STK32A: variants seen among roughly 807,000 people sequenced by gnomAD.
STK32A encodes serine/threonine kinase 32A.
A neutral mutation model predicts 53.2 loss-of-function variants in STK32A; 41 were observed. That is an observed-to-expected ratio of 0.77 (90% CI 0.60 to 1.00). The LOEUF (loss-of-function observed/expected upper bound fraction) is 1.00. Ranked by LOEUF, STK32A falls within the 50% of genes least tolerant of loss-of-function variation. The pLI is 0.00. For synonymous variants in STK32A, 166 were observed against 162.8 expected (o/e 1.02, Z -0.15); for missense variants, 458 against 485.8 (o/e 0.94, Z 0.54).
intron 2 of STK32A, 123 bp downstream of exon 2, chr5:147,239,809 T>G: frequency 1.4e-6 from 1 of 718,450 alleles, no homozygotes; most frequent in African/African-American, 1.8e-5. Flanking sequence ...AAGGCAAAGC[T>G]GCATGAGTGA....
chr5:147,258,297 T>C (rs989729136), intron 2 of STK32A, among the ~76,000 whole-genome samples: 10 of 152,008 alleles, frequency 6.6e-5, no homozygotes, highest in Non-Finnish European at 1.3e-4. Flanking sequence ...ATTTCCTTTA[T>C]AATTAACATT....
chr5:147,317,572 G>A (rs776335964), intron 4 of STK32A, among the ~76,000 whole-genome samples: 2 of 151,728 alleles, frequency 1.3e-5, no homozygotes, highest in Admixed American at 6.6e-5. Context: ...TGATCCACCC[G>A]CTTCAGCCTC....
intron 5 of STK32A, among the ~76,000 whole-genome samples, chr5:147,327,899 C>T (rs922623568): frequency 1.1e-4 from 16 of 152,086 alleles, no homozygotes; most frequent in African/African-American, 1.9e-4. Flanking sequence ...CACCCACAGA[C>T]GAAAGTGGTA....
intron 4 of STK32A, among the ~76,000 whole-genome samples, chr5:147,319,921 A>G (rs2151976396): frequency 6.6e-6 from 1 of 152,290 alleles, no homozygotes; most frequent in Admixed American, 6.5e-5. Flanking sequence ...CTGCAATAGG[A>G]AGTAGGTTCC....
At chr5:147,285,783 C>T (rs201518950) in intron 4 of STK32A, among the ~76,000 whole-genome samples, 2 of 150,244 alleles carry the variant, frequency 1.3e-5, no homozygotes, top group African/African-American at 4.9e-5. Context: ...AAAAAAAAAT[C>T]AAAAAACAGC....
At chr5:147,242,327 A>G (rs1753617313) in intron 2 of STK32A, among the ~76,000 whole-genome samples, 1 of 152,240 alleles carries the variant, frequency 6.6e-6, no homozygotes, top group Non-Finnish European at 1.5e-5. Context: ...CTCTCTAGAC[A>G]TGAAGAATAG....
chr5:147,382,868 G>A, intron 11 of STK32A: 1 of 152,562 alleles, frequency 6.6e-6, no homozygotes, highest in African/African-American at 2.4e-5. Flanking sequence ...CAGCCTGAGG[G>A]AGAGTGGCTG....
intron 4 of STK32A, among the ~76,000 whole-genome samples, chr5:147,310,764 C>G (rs1403511886): frequency 1.3e-5 from 2 of 149,610 alleles, no homozygotes; most frequent in Non-Finnish European, 3.0e-5. Flanking sequence ...TTGGCTTGCC[C>G]TTTTATATGG....
At chr5:147,369,890 G>C (rs890109258) in intron 8 of STK32A, among the ~76,000 whole-genome samples, 1 of 152,126 alleles carries the variant, frequency 6.6e-6, no homozygotes, top group Non-Finnish European at 1.5e-5. Flanking sequence ...GTTCACATAA[G>C]AGACATGAAA....
rs777270924 is a variant in STK32A, at chr5:147,279,230, C to T, written c.109-17C>T. On this transcript the variant is annotated splice_polypyrimidine_tract_variant and intron_variant, in intron 3 of 12. Coordinates refer to ENST00000397936, the MANE Select transcript of STK32A (RefSeq NM_001112724.2). ...TTATCTCCCTAATCACTCTCTCACT[C>T]GGGTTTTCACCATTAGGTCTGCATT... 3.1e-5 allele frequency: 50 copies of T among 1,597,128 alleles called. 2 individuals are homozygous for T. Among genetic ancestry groups the T allele is most frequent in the Admixed American group, 2.0e-4 (12 of 59,438 alleles).
chr5:147,376,725 C>G (rs1224097167), intron 11 of STK32A, among the ~76,000 whole-genome samples: 1 of 152,128 alleles, frequency 6.6e-6, no homozygotes, highest in South Asian at 2.1e-4. Flanking sequence ...CCTTGCTCTT[C>G]CCTGTTCCTA....
intron 4 of STK32A, among the ~76,000 whole-genome samples, chr5:147,305,099 A>C (rs781490054): frequency 8.5e-5 from 13 of 152,160 alleles, no homozygotes; most frequent in Non-Finnish European, 1.8e-4. Flanking sequence ...ACTAAAAAAA[A>C]AATTAAAAAA....
intron 4 of STK32A, among the ~76,000 whole-genome samples, chr5:147,297,215 A>G: frequency 6.6e-6 from 1 of 152,162 alleles, no homozygotes; most frequent in East Asian, 1.9e-4. Flanking sequence ...CAAATAGAAT[A>G]CAACCCATAT....
chr5:147,297,857 G>A (rs1394398608), intron 4 of STK32A, among the ~76,000 whole-genome samples: 1 of 151,888 alleles, frequency 6.6e-6, no homozygotes, highest in African/African-American at 2.4e-5. Flanking sequence ...GCACGTGCCT[G>A]TAATCTCAGC....
At chr5:147,272,135 A>G (rs1755065543) in intron 2 of STK32A, among the ~76,000 whole-genome samples, 1 of 152,170 alleles carries the variant, frequency 6.6e-6, no homozygotes, top group Non-Finnish European at 1.5e-5. Flanking sequence ...GGGAAAATAG[A>G]AAAGAACCTA....
chr5:147,359,735 G>A (rs1756409004), intron 7 of STK32A, among the ~76,000 whole-genome samples: 1 of 152,180 alleles, frequency 6.6e-6, no homozygotes, highest in Non-Finnish European at 1.5e-5. Context: ...TGCACTGGGG[G>A]CTGTGACTTG....
chr5:147,336,613 G>A (rs1162219786), intron 5 of STK32A, among the ~76,000 whole-genome samples: 7 of 152,286 alleles, frequency 4.6e-5, no homozygotes, highest in South Asian at 2.1e-4. Context: ...TACATAATGA[G>A]TGACTGGGAT....
intron 6 of STK32A, among the ~76,000 whole-genome samples, chr5:147,350,075 C>T (rs947692238): frequency 6.6e-6 from 1 of 151,312 alleles, no homozygotes; most frequent in African/African-American, 2.4e-5. Context: ...CACACCATAA[C>T]ACTCCAGCCT....
At chr5:147,245,202 A>G (rs1753727606) in intron 2 of STK32A, among the ~76,000 whole-genome samples, 1 of 152,324 alleles carries the variant, frequency 6.6e-6, no homozygotes, top group Non-Finnish European at 1.5e-5. Flanking sequence ...TTGGGATGAA[A>G]ATAACTAAAG....
Sources: gnomAD v4.1 joint callset for allele counts (sites outside exome capture counted in the v4.1 genomes callset) on GRCh38, gnomAD v4.1.1 for gene constraint, MANE v1.5 for transcripts, NCBI Gene and HGNC (gene_info 2026-07-23, HGNC 2026-07-21) for gene names.